The following PDE1C variants were observed in gnomAD, a reference collection of about 807,000 sequenced individuals.
PDE1C encodes dual specificity calcium/calmodulin-dependent 3',5'-cyclic nucleotide phosphodiesterase 1C.
In PDE1C, 62 loss-of-function variants were observed where a neutral mutation model predicts 93.1. That is an observed-to-expected ratio of 0.67 (90% CI 0.54 to 0.82). The LOEUF (loss-of-function observed/expected upper bound fraction) is 0.82, where lower values mean the gene tolerates loss of function less well. Ranked by LOEUF, PDE1C falls within the 40% of genes least tolerant of loss-of-function variation. The pLI, the probability that PDE1C is intolerant of heterozygous loss-of-function variation, is 0.00. For missense variants in PDE1C, 742 were observed against 884.6 expected (o/e 0.84, Z 2.04); for synonymous variants, 325 against 310.1 (o/e 1.05, Z -0.50).
intron 1 of PDE1C, among the ~76,000 whole-genome samples, chr7:32,229,451 C>T (rs763232600): frequency 2.1e-4 from 32 of 152,166 alleles, no homozygotes; most frequent in African/African-American, 4.6e-4. Context: ...ACATTTGGGT[C>T]GCATTGATTC....
chr7:31,718,518 G>A, the PDE1C span, among the ~76,000 whole-genome samples: 52 of 152,324 alleles, frequency 3.4e-4, no homozygotes, highest in African/African-American at 1.1e-3. Context: ...TGGAGTTTGC[G>A]GGTAATGGCT....
At chr7:32,416,717 T>TG (rs1258767176) in intron 1 of PDE1C, among the ~76,000 whole-genome samples, 2 of 151,972 alleles carry the variant, frequency 1.3e-5, no homozygotes, top group Non-Finnish European at 2.9e-5. Context: ...AGGTGAGAGA[T>TG]GGGGCAAGGC....
intron 2 of PDE1C, among the ~76,000 whole-genome samples, chr7:32,030,324 T>C (rs1028898136): frequency 5.9e-5 from 9 of 152,168 alleles, no homozygotes; most frequent in African/African-American, 2.2e-4. Context: ...TTATCCCAAA[T>C]CAAAATTTAA....
chr7:31,652,863 A>G, the PDE1C span: 1 of 1,595,236 alleles, frequency 6.3e-7, no homozygotes, highest in South Asian at 1.1e-5. Flanking sequence ...CATACAAAAT[A>G]TAAAGGCCCA....
chr7:31,841,613 T>C (rs531625391), intron 9 of PDE1C, among the ~76,000 whole-genome samples: 101 of 152,248 alleles, frequency 6.6e-4, no homozygotes, highest in African/African-American at 2.4e-3. Context: ...TATATATCTA[T>C]TAAGATGACT....
chr7:32,389,925 C>T (rs1784719748), intron 1 of PDE1C, among the ~76,000 whole-genome samples: 1 of 152,168 alleles, frequency 6.6e-6, no homozygotes, highest in Non-Finnish European at 1.5e-5. Flanking sequence ...CACAAAGTTT[C>T]TCTTAGCATC....
the PDE1C span, among the ~76,000 whole-genome samples, chr7:31,684,132 A>G: frequency 6.6e-6 from 1 of 152,202 alleles, no homozygotes. Flanking sequence ...CTGCCTTAAA[A>G]GGGGGAGGGG....
chr7:32,034,967 A>G (rs368555267), intron 2 of PDE1C, among the ~76,000 whole-genome samples: 83 of 152,272 alleles, frequency 5.5e-4, no homozygotes, highest in African/African-American at 1.9e-3. Context: ...TCTTCAAGTA[A>G]TATTATGGCT....
intron 1 of PDE1C, among the ~76,000 whole-genome samples, chr7:32,418,507 G>T (rs528864553): frequency 6.6e-6 from 1 of 151,862 alleles, no homozygotes; most frequent in African/African-American, 2.4e-5. Context: ...TGTTTTATTT[G>T]CACTTTTTCA....
intron 2 of PDE1C, among the ~76,000 whole-genome samples, chr7:31,985,529 C>T (rs978496250): frequency 1.3e-5 from 2 of 152,108 alleles, no homozygotes; most frequent in African/African-American, 2.4e-5. Context: ...CCCATCAACT[C>T]GTCATTTACA....
intron 3 of PDE1C, among the ~76,000 whole-genome samples, chr7:32,100,029 A>T (rs573342971): frequency 1.3e-5 from 2 of 152,320 alleles, no homozygotes; most frequent in South Asian, 4.1e-4. Flanking sequence ...CACATTGAAA[A>T]AAAGCATTTT....
chr7:32,238,481 G>C (rs1407654058), intron 1 of PDE1C, among the ~76,000 whole-genome samples: 1 of 152,214 alleles, frequency 6.6e-6, no homozygotes, highest in East Asian at 1.9e-4. Context: ...TAATAAGTGA[G>C]ATATAACTGC....
At chr7:32,091,848 C>G (rs1378036723) in intron 3 of PDE1C, among the ~76,000 whole-genome samples, 1 of 152,090 alleles carries the variant, frequency 6.6e-6, no homozygotes, top group Non-Finnish European at 1.5e-5. Flanking sequence ...TGAGAATAGA[C>G]CATGATAGGG....
intron 1 of PDE1C, among the ~76,000 whole-genome samples, chr7:32,407,989 G>A (rs150225256): frequency 7.1e-4 from 108 of 152,226 alleles, no homozygotes; most frequent in African/African-American, 2.5e-3. Context: ...GTTTTTAATT[G>A]TAAAAAGATA....
At chr7:32,112,784 T>TA (rs1798715815) in intron 3 of PDE1C, among the ~76,000 whole-genome samples, 1 of 149,464 alleles carries the variant, frequency 6.7e-6, no homozygotes, top group South Asian at 2.1e-4. Flanking sequence ...TGATTACATA[T>TA]AAAACATATA....
chr7:32,424,394 T>C (rs750110001), intron 1 of PDE1C, among the ~76,000 whole-genome samples: 9 of 152,234 alleles, frequency 5.9e-5, no homozygotes, highest in Non-Finnish European at 1.3e-4. Context: ...GTTTCTCTCT[T>C]AATACTCTGA....
chr7:32,166,854 A>G (rs1802314610), intron 3 of PDE1C, among the ~76,000 whole-genome samples: 1 of 152,106 alleles, frequency 6.6e-6, no homozygotes, highest in East Asian at 1.9e-4. Flanking sequence ...TTTATAGATG[A>G]TATACTTATT....
intron 2 of PDE1C, among the ~76,000 whole-genome samples, chr7:31,891,375 C>T (rs1018183067): frequency 1.3e-5 from 2 of 152,172 alleles, no homozygotes. Context: ...GCAATCCTAT[C>T]ACCAATACTT....
intron 9 of PDE1C, among the ~76,000 whole-genome samples, chr7:31,846,780 C>T (rs548521468): frequency 2.0e-4 from 31 of 151,974 alleles, no homozygotes; most frequent in African/African-American, 7.2e-4. Flanking sequence ...TTCCTTTTTT[C>T]CTGAAGTGGT....
Sources: allele counts gnomAD v4.1 joint callset (sites outside exome capture counted in the v4.1 genomes callset), GRCh38; gene constraint gnomAD v4.1.1; transcripts MANE v1.5; gene names NCBI Gene and HGNC (gene_info 2026-07-23, HGNC 2026-07-21).